Variants in DST observed in about 807,000 individuals in gnomAD.
The protein encoded by DST is dystonin.
DST carries 253 observed loss-of-function variants against 875.2 expected under a neutral mutation model. The ratio of observed to expected loss-of-function variants is 0.29; its 90% CI spans 0.26 to 0.32. The LOEUF (loss-of-function observed/expected upper bound fraction) is 0.32. DST is among the 10% of genes least tolerant of loss of function. The pLI is 1.00. For missense variants in DST, 8,287 were observed against 9,111.6 expected, an observed-to-expected ratio of 0.91 and a Z score of 3.68; for synonymous variants, 3,124 against 3,197.1, an observed-to-expected ratio of 0.98 and a Z score of 0.77.
chr6:56,586,406 C>A (rs1393114031), intron 49 of DST, among the ~76,000 whole-genome samples: 1 of 151,260 alleles, frequency 6.6e-6, no homozygotes, highest in African/African-American at 2.4e-5. Context: ...TTATCAGAGA[C>A]TAGGATTGCA....
At chr6:56,734,842 C>T (rs1312791907) in intron 5 of DST, among the ~76,000 whole-genome samples, 1 of 152,078 alleles carries the variant, frequency 6.6e-6, no homozygotes, top group Non-Finnish European at 1.5e-5. Flanking sequence ...CTTCTGCCAT[C>T]CACATAAACC....
intron 61 of DST, among the ~76,000 whole-genome samples, chr6:56,546,347 C>CATATATATATATATATATATATTTCAT (rs2097220737): frequency 1.4e-5 from 1 of 72,640 alleles, no homozygotes; most frequent in African/African-American, 4.9e-5. Context: ...ATACATATTT[C>CATATATATATATATATATATATTTCAT]ATATATATAT....
chr6:56,513,721 C>G lies in DST; in HGVS notation c.18576+1729G>C, dbSNP rs543452797. 1.6e-4 allele frequency among the ~76,000 whole-genome samples: 24 copies of G among 152,230 alleles called. No homozygotes were observed. The South Asian group carries it at 4.8e-3, about 30-fold the overall frequency. ...TCCATGACAGGCAAGAGAACACCTA[C>G]CAGCCATCTACTCAGGTATGTGTGT... On this transcript the variant is annotated intron_variant, in intron 72 of 103. Transcript: ENST00000680361.
At chr6:56,525,841 T>C (rs1174321264) in intron 69 of DST, among the ~76,000 whole-genome samples, 3 of 152,200 alleles carry the variant, frequency 2.0e-5, no homozygotes, top group Non-Finnish European at 4.4e-5. Flanking sequence ...GCAGGAGTTA[T>C]AGACAAATTG....
Position 56,648,573 on chromosome 6 carries a change from C to G in DST, c.1551G>C (p.Leu517=). ...TAATTTCTACAGTGACACTAACCTTCAGTTCTACAGGATTATTAGGAAATG... is the reference window on the plus strand; with the variant it reads ...TAATTTCTACAGTGACACTAACCTTGAGTTCTACAGGATTATTAGGAAATG... ...ERTFPNNPVE[L]KALYNQYLQF... Residue 517 remains leucine, a synonymous_variant, in exon 13 of 104, where the codon CTG becomes CTC. Transcript: ENST00000680361. The G allele has an allele frequency of 6.4e-7, 1 of 1,573,608 alleles. No homozygotes were observed. Among genetic ancestry groups the G allele is most frequent in the East Asian group, 2.3e-5 (1 of 43,806 alleles).
chr6:56,803,184 CTG>C (rs1284151190), intron 4 of DST, among the ~76,000 whole-genome samples: 4 of 152,128 alleles, frequency 2.6e-5, no homozygotes, highest in Non-Finnish European at 5.9e-5. Context: ...AGAACCAAAA[CTG>C]TAAAACCCTG....
intron 63 of DST, among the ~76,000 whole-genome samples, chr6:56,533,066 T>C (rs2096924702): frequency 6.6e-6 from 1 of 152,176 alleles, no homozygotes; most frequent in Admixed American, 6.5e-5. Context: ...TCCTAAAATC[T>C]GTGTGAGGCT....
intron 69 of DST, among the ~76,000 whole-genome samples, chr6:56,521,074 A>T (rs1304169355): frequency 6.6e-6 from 1 of 152,162 alleles, no homozygotes; most frequent in Non-Finnish European, 1.5e-5. Flanking sequence ...GCAATTATTG[A>T]TCAATATGAA....
chr6:56,842,950 C>G (rs917625919), intron 4 of DST: 2 of 1,100,378 alleles, frequency 1.8e-6, no homozygotes, highest in South Asian at 7.9e-5. Context: ...GGTCCAGACA[C>G]CTGTTTACTC....
intron 69 of DST, among the ~76,000 whole-genome samples, chr6:56,518,023 A>C (rs1052747378): frequency 2.6e-5 from 4 of 152,172 alleles, no homozygotes; most frequent in Non-Finnish European, 5.9e-5. Flanking sequence ...ACATTCTGCT[A>C]TCAAAGTACA....
rs35690052 is a variant in DST at position 56,475,394 on chromosome 6, AACACACACAC to A, written c.21864+745_21864+754del. On this transcript the variant is annotated intron_variant, in intron 92 of 103. Transcript: ENST00000680361. Reference sequence around the variant, plus strand: ...CATTGATGTCTTATTAGGCTTTTAAAACACACACACACACACACACACACACACACACACA... The same window carrying A: ...CATTGATGTCTTATTAGGCTTTTAAAACACACACACACACACACACACACA... Among the ~76,000 whole-genome samples the A allele has an allele frequency of 2.7e-3, 391 of 144,978 alleles. 3 individuals are homozygous for A. Among genetic ancestry groups the A allele is most frequent in the South Asian group, 0.011 (48 of 4,556 alleles).
chr6:56,713,418 A>T (rs2099384758), intron 5 of DST, among the ~76,000 whole-genome samples: 1 of 152,172 alleles, frequency 6.6e-6, no homozygotes, highest in Admixed American at 6.5e-5. Flanking sequence ...ACACACACAC[A>T]ATCAAAGAAC....
At chr6:56,601,828 C>T (rs998258888) in intron 43 of DST, among the ~76,000 whole-genome samples, 152 bp from the exon 44 acceptor site, 1 of 151,754 alleles carries the variant, frequency 6.6e-6, no homozygotes, top group African/African-American at 2.4e-5. Flanking sequence ...ATCTATTTAT[C>T]ATCTAGTAAT....
intron 4 of DST, among the ~76,000 whole-genome samples, chr6:56,769,533 A>G (rs2099643810): frequency 6.6e-6 from 1 of 152,222 alleles, no homozygotes; most frequent in African/African-American, 2.4e-5. Context: ...TATTAAAAAA[A>G]AATTGGTCAG....
rs2095975052 is a variant in DST at position 56,497,856 on chromosome 6, C to G, written c.20094G>C (p.Gln6698His). The stretch of plus-strand genomic sequence containing the variant: ...TTTCAGAATTTATTCTCTTACTCAC[C>G]TGGCGCAAGGCACCATCCAGCTGCT... ...RKQQLDGALRQAKGFHGEIED... is the reference protein window; with the variant it reads ...RKQQLDGALRHAKGFHGEIED... The change falls in exon 81 of 104, where the codon CAG becomes CAC. Residue 6698 changes from glutamine (Q) to histidine (H), a missense_variant and splice_region_variant. This residue lies in a region of DST where 1,292 missense variants were observed against 1,552.7 expected (regional missense o/e 0.83). Transcript: ENST00000680361. The G allele has an allele frequency of 1.2e-6, 2 of 1,601,934 alleles. No individual in the cohort carries two copies. The highest frequency in any genetic ancestry group is 1.7e-5 in the Admixed American group (1 of 58,520).
At chr6:56,483,960 T>G (rs2152425169) in intron 88 of DST, 1 of 152,266 alleles carries the variant, frequency 6.6e-6, no homozygotes, top group Non-Finnish European at 1.5e-5. Context: ...GTACAGTATC[T>G]AAATATCCCA....
intron 94 of DST, chr6:56,471,787 G>C: frequency 2.1e-6 from 1 of 483,930 alleles, no homozygotes; most frequent in South Asian, 2.2e-5. Flanking sequence ...TGTCAAGTTA[G>C]ATTTTATTCT....
At chr6:56,592,523 G>C (rs1382566498) in intron 48 of DST, among the ~76,000 whole-genome samples, 165 bp from the exon 49 acceptor site, 4 of 152,112 alleles carry the variant, frequency 2.6e-5, no homozygotes, top group Non-Finnish European at 5.9e-5. Flanking sequence ...TATATGAAGA[G>C]GTACCCTATA....
chr6:56,872,975 G>C (rs1778065383), intron 3 of DST, among the ~76,000 whole-genome samples: 1 of 151,882 alleles, frequency 6.6e-6, no homozygotes, highest in African/African-American at 2.4e-5. Context: ...CTACCAATGA[G>C]CATTCTCCTT....
Sources: gnomAD v4.1 joint callset for allele counts (sites outside exome capture counted in the v4.1 genomes callset) on GRCh38, gnomAD v4.1.1 for gene constraint, gnomAD v4.1.1 regional missense constraint, MANE v1.5 for transcripts, NCBI Gene and HGNC (gene_info 2026-07-23, HGNC 2026-07-21) for gene names.